Variants in GLRA2 observed in about 807,000 individuals in gnomAD.
GLRA2 encodes glycine receptor alpha 2, also known as glycine receptor subunit alpha-2.
Under a neutral mutation model 31.6 loss-of-function variants are expected in GLRA2, and 11 were observed. The observed-to-expected ratio is 0.35, with a 90% CI of 0.22 to 0.58. The LOEUF (loss-of-function observed/expected upper bound fraction) is 0.58, where lower values mean the gene tolerates loss of function less well. Among genes scored for constraint, GLRA2 ranks in the 20% least tolerant of loss-of-function variants. The probability of loss-of-function intolerance (pLI) is 0.84; values close to 1 mark genes in which losing one functional copy is unlikely to be tolerated. For synonymous variants in GLRA2, 132 were observed against 134.0 expected (o/e 0.99, Z 0.10); for missense variants, 212 against 351.8 (o/e 0.60, Z 3.18).
At chrX:14,515,338 A>G in the GLRA2 span, among the ~76,000 whole-genome samples, 1 of 111,920 alleles carries the variant, frequency 8.9e-6, no homozygotes, top group African/African-American at 3.2e-5. Context: ...GTTCAGTACA[A>G]TGTATTTAGG....
At chrX:14,619,818 T>C (rs1238894992) in intron 7 of GLRA2, among the ~76,000 whole-genome samples, 1 of 111,040 alleles carries the variant, frequency 9.0e-6, no homozygotes, top group African/African-American at 3.3e-5. Flanking sequence ...GAAGGCAGGG[T>C]TCTTTATCTG....
chrX:14,514,527 G>A, the GLRA2 span, among the ~76,000 whole-genome samples: 2 of 111,433 alleles, frequency 1.8e-5, no homozygotes, highest in African/African-American at 6.5e-5. Context: ...CTCATATAAG[G>A]TAAAATAATT....
At chrX:14,454,862 A>G in the GLRA2 span, among the ~76,000 whole-genome samples, 1 of 112,353 alleles carries the variant, frequency 8.9e-6, no homozygotes, top group African/African-American at 3.2e-5. Context: ...GACTATAAAT[A>G]TGACTGACAT....
chrX:14,522,533 C>T, the GLRA2 span, among the ~76,000 whole-genome samples: 19 of 111,975 alleles, frequency 1.7e-4, no homozygotes, highest in African/African-American at 2.3e-4. Context: ...AGAAGGTTTT[C>T]GATTTACTTT....
chrX:14,673,033 A>G (rs899780123), intron 7 of GLRA2, among the ~76,000 whole-genome samples: 1 of 111,433 alleles, frequency 9.0e-6, no homozygotes, highest in Non-Finnish European at 1.9e-5. Context: ...CACAAGCCAG[A>G]GTCTGGGTCG....
At chrX:14,474,744 C>T in the GLRA2 span, among the ~76,000 whole-genome samples, 2 of 103,743 alleles carry the variant, frequency 1.9e-5, no homozygotes, top group Admixed American at 2.1e-4. Flanking sequence ...GCTGGGATGA[C>T]TGGGGCCTCT....
the GLRA2 span, among the ~76,000 whole-genome samples, chrX:14,491,360 A>C: frequency 8.9e-6 from 1 of 111,763 alleles, no homozygotes; most frequent in Non-Finnish European, 1.9e-5. Flanking sequence ...GTTCACTTCT[A>C]TTACTAAAGT....
chrX:14,506,721 GACA>G, the GLRA2 span, among the ~76,000 whole-genome samples: 1 of 111,588 alleles, frequency 9.0e-6, no homozygotes, highest in Non-Finnish European at 1.9e-5. Flanking sequence ...CCTTGAATTT[GACA>G]ACCCTAGATG....
At chrX:14,669,422 G>C (rs957840670) in intron 7 of GLRA2, among the ~76,000 whole-genome samples, 2 of 111,628 alleles carry the variant, frequency 1.8e-5, no homozygotes, top group Admixed American at 9.5e-5. Context: ...GACTCTGTGT[G>C]GGGGCTCCCA....
At chrX:14,597,135 A>T in intron 4 of GLRA2, among the ~76,000 whole-genome samples, 1 of 112,021 alleles carries the variant, frequency 8.9e-6, no homozygotes, top group South Asian at 3.8e-4. Context: ...TCTCCCTGAC[A>T]CTAGAATGTC....
intron 3 of GLRA2, among the ~76,000 whole-genome samples, chrX:14,576,527 C>A (rs1047095839): frequency 2.7e-5 from 3 of 111,794 alleles, no homozygotes; most frequent in Non-Finnish European, 5.6e-5. Flanking sequence ...ATTTGCACGA[C>A]CTAATGCTGA....
intron 7 of GLRA2, among the ~76,000 whole-genome samples, chrX:14,658,170 T>G (rs1461172311): frequency 1.8e-5 from 2 of 111,319 alleles, no homozygotes; most frequent in African/African-American, 3.3e-5. Flanking sequence ...CTACTCTCAA[T>G]GAAACTTTCT....
At chrX:14,530,481 A>G (rs2089239751) in intron 1 of GLRA2, among the ~76,000 whole-genome samples, 1 of 111,771 alleles carries the variant, frequency 8.9e-6, no homozygotes, top group Non-Finnish European at 1.9e-5. Context: ...ATATAAGATG[A>G]TTGTATTAAT....
the GLRA2 span, among the ~76,000 whole-genome samples, chrX:14,474,170 G>T: frequency 9.0e-6 from 1 of 111,563 alleles, no homozygotes; most frequent in African/African-American, 3.3e-5. Context: ...ATATTGACTA[G>T]GTCTGATCTT....
At chrX:14,661,002 C>T in intron 7 of GLRA2, among the ~76,000 whole-genome samples, 1 of 112,119 alleles carries the variant, frequency 8.9e-6, no homozygotes, top group East Asian at 2.8e-4. Context: ...TAAATTATTT[C>T]ATGGCAAGAG....
At chrX:14,612,389 G>T (rs1162942459) in intron 7 of GLRA2, among the ~76,000 whole-genome samples, 1 of 111,888 alleles carries the variant, frequency 8.9e-6, no homozygotes, top group Non-Finnish European at 1.9e-5. Context: ...GAGTAAATTA[G>T]TTCAACCATT....
the GLRA2 span, among the ~76,000 whole-genome samples, chrX:14,501,373 T>C: frequency 6.2e-5 from 7 of 112,210 alleles, no homozygotes; most frequent in East Asian, 1.7e-3. Flanking sequence ...TATTGTCTTA[T>C]GCCTTTTGTG....
the GLRA2 span, among the ~76,000 whole-genome samples, chrX:14,476,195 A>T: frequency 8.9e-6 from 1 of 112,269 alleles, no homozygotes; most frequent in African/African-American, 3.2e-5. Context: ...TTTGATCCAC[A>T]AACCTAAGGA....
At chrX:14,558,847 C>CAG (rs1410890010) in intron 2 of GLRA2, among the ~76,000 whole-genome samples, 2 of 105,184 alleles carry the variant, frequency 1.9e-5, no homozygotes, top group Non-Finnish European at 3.9e-5. Flanking sequence ...TTTTCTGAGA[C>CAG]AGAGTCTCAC....
Sources: gnomAD v4.1 joint callset for allele counts (sites outside exome capture counted in the v4.1 genomes callset) on GRCh38, gnomAD v4.1.1 for gene constraint, MANE v1.5 for transcripts, NCBI Gene and HGNC (gene_info 2026-07-23, HGNC 2026-07-21) for gene names.